SLC39A14: variants seen among roughly 807,000 people sequenced by gnomAD.
SLC39A14 encodes the protein metal cation symporter ZIP14.
Under a neutral mutation model 45.5 loss-of-function variants are expected in SLC39A14, and 19 were observed. The observed-to-expected ratio is 0.42, with a 90% CI of 0.29 to 0.61. The LOEUF is 0.61. Among genes scored for constraint, SLC39A14 ranks in the 20% least tolerant of loss-of-function variants. The pLI is 0.22. For synonymous variants in SLC39A14, 264 were observed against 251.3 expected, an observed-to-expected ratio of 1.05 and a Z score of -0.48; for missense variants, 447 against 616.5, an observed-to-expected ratio of 0.73 and a Z score of 2.91.
At chr8:22,419,359 T>C (rs1836086739) in intron 8 of SLC39A14, among the ~76,000 whole-genome samples, 193 bp from the exon 9 acceptor site, 1 of 152,084 alleles carries the variant, frequency 6.6e-6, no homozygotes, top group South Asian at 2.1e-4. Context: ...AATTTTTATG[T>C]TTTTAGTAGA....
In SLC39A14 at chr8:22,421,959, A is replaced by G. The variant is rs1239154483; in HGVS notation, c.*2261A>G. ...CCTCTTTAAACCGTAGTTGGCGCAG[A>G]GGTCAGTCCTAGTCGGAGCTTAGGA... On this transcript the variant is annotated 3_prime_UTR_variant, in exon 9 of 9. Transcript: ENST00000381237. The G allele has an allele frequency of 1.0e-6, 1 of 985,362 alleles. No homozygotes were observed. Among genetic ancestry groups the G allele is most frequent in the Non-Finnish European group, 1.2e-6 (1 of 829,942 alleles). The allele number at this position is 985,362 out of a possible 1,614,324, so 61.0% of individuals were successfully genotyped here.
At chr8:22,373,607 A>G (rs1297165558) in intron 1 of SLC39A14, among the ~76,000 whole-genome samples, 3 of 152,150 alleles carry the variant, frequency 2.0e-5, no homozygotes, top group Non-Finnish European at 4.4e-5. Flanking sequence ...TAATTTTTGT[A>G]TATTAGAATA....
rs528047046 is a variant in SLC39A14 at position 22,419,369 on chromosome 8, A to G, written c.1333-183A>G. Among the ~76,000 whole-genome samples the G allele has an allele frequency of 8.5e-5, 13 of 152,216 alleles. No individual in the cohort carries two copies. In the South Asian group the frequency reaches 2.7e-3, roughly 32 times the overall value. ...CAGCTAATTTTTATGTTTTTAGTAG[A>G]GACAGGGTTTCACCATGTTGGTCAG... On this transcript the variant is annotated intron_variant, in intron 8 of 8. Coordinates refer to ENST00000381237, the MANE Select transcript of SLC39A14 (RefSeq NM_001128431.4).
chr8:22,391,227 G>A (rs1424835378), intron 1 of SLC39A14, among the ~76,000 whole-genome samples: 5 of 152,146 alleles, frequency 3.3e-5, no homozygotes, highest in Non-Finnish European at 5.9e-5. Flanking sequence ...TCATCATTCA[G>A]GTTAGGTTCC....
Position 22,367,533 on chromosome 8 carries a change from C to G in SLC39A14, c.-16+125C>G, listed in dbSNP as rs1586614667. 2 of 152,424 alleles carry G rather than the reference C, an allele frequency of 1.3e-5. No individual in the cohort carries two copies. The highest frequency in any genetic ancestry group is 3.9e-4 in the East Asian group (2 of 5,168). 9.4% of individuals were successfully genotyped at this position (152,424 alleles called of 1,614,324 possible). On this transcript the variant is annotated intron_variant, in intron 1 of 8. Transcript: ENST00000381237. The surrounding 1 kb of genome is among the most constrained non-coding windows in gnomAD (Gnocchi z 4.2). The stretch of plus-strand genomic sequence containing the variant: ...GAGGACCGGGCGCCGCTCCCGGGCA[C>G]CGGCACACGCCCGGACGGCTGGGTG...
downstream of SLC39A14, among the ~76,000 whole-genome samples, chr8:22,424,714 A>T (rs1836353299): frequency 2.0e-5 from 3 of 152,076 alleles, no homozygotes; most frequent in Admixed American, 6.6e-5. Context: ...AGCACTGGCC[A>T]TATGGAAAGA....
chr8:22,374,551 A>T (rs889945055), intron 1 of SLC39A14, among the ~76,000 whole-genome samples: 2 of 139,856 alleles, frequency 1.4e-5, no homozygotes, highest in Non-Finnish European at 3.0e-5. Flanking sequence ...TGCTGGTGGG[A>T]TGGTACACGT....
At position 22,412,029 on chromosome 8, in the gene SLC39A14, C is replaced by T. The variant is rs1168039448; in HGVS notation, c.458-8C>T. 6.5e-7 allele frequency: 1 copy of T among 1,549,518 alleles called. No homozygotes were observed. Among genetic ancestry groups the T allele is most frequent in the Non-Finnish European group, 8.7e-7 (1 of 1,146,532 alleles). ...CTGGGTGGGGCTGGCCCTCCCTCCG[C>T]ACGGCAGTGTGGGGATACGGTCTCC... On this transcript the variant is annotated splice_polypyrimidine_tract_variant and splice_region_variant and intron_variant, in intron 3 of 8. Transcript: ENST00000381237.
At position 22,416,255 on chromosome 8, in the gene SLC39A14, CTG is replaced by C; in HGVS notation, c.1125_1126del (p.Cys375Ter). The C allele has an allele frequency of 6.2e-7, 1 of 1,613,174 alleles. No individual in the cohort carries two copies. The highest frequency in any genetic ancestry group is 8.5e-7 in the Non-Finnish European group (1 of 1,180,004). On this transcript the variant is annotated frameshift_variant, in exon 7 of 9. Transcript: ENST00000381237. LOFTEE classifies it high-confidence loss of function. ...QGISTSVAILCEEFPHELGDF... is the reference protein window; with the variant it reads ...QGISTSVAILXEEFPHELGDF... ...GCATCAGCACCTCGGTGGCCATCCT[CTG>C]TGAGGAGTTCCCACATGAGCTAGGT...
intron 1 of SLC39A14, among the ~76,000 whole-genome samples, chr8:22,382,069 G>T (rs1833543766): frequency 6.6e-6 from 1 of 152,068 alleles, no homozygotes. Context: ...TAAACCCAGG[G>T]AGGGGGAGGT....
chr8:22,414,925 G>C, intron 5 of SLC39A14, 23 bp downstream of exon 5: 1 of 1,609,814 alleles, frequency 6.2e-7, no homozygotes, highest in Non-Finnish European at 8.5e-7. Context: ...TGTTGCTGAA[G>C]AAAGCTCTTC....
intron 1 of SLC39A14, among the ~76,000 whole-genome samples, chr8:22,399,979 A>T (rs1451966048): frequency 6.6e-6 from 1 of 152,212 alleles, no homozygotes; most frequent in African/African-American, 2.4e-5. Flanking sequence ...GCACTGTGAC[A>T]GTGTGTCCTC....
intron 1 of SLC39A14, among the ~76,000 whole-genome samples, chr8:22,374,740 CTTTTT>C (rs67116858): frequency 6.7e-5 from 7 of 104,022 alleles, no homozygotes; most frequent in African/African-American, 1.2e-4. Flanking sequence ...CCAGCCTGCT[CTTTTT>C]TTTTTTTTTT....
At chr8:22,368,486 CTTTTATTTTA>C (rs869157776) in intron 1 of SLC39A14, among the ~76,000 whole-genome samples, 1,631 of 147,616 alleles carry the variant, frequency 0.011, 18 homozygotes, top group African/African-American at 0.025. Context: ...ATCCTTCCCT[CTTTTATTTTA>C]TTTTATTTTA....
intron 8 of SLC39A14, among the ~76,000 whole-genome samples, chr8:22,429,122 A>G (rs1040006780): frequency 5.3e-5 from 8 of 152,038 alleles, no homozygotes; most frequent in Non-Finnish European, 8.8e-5. Context: ...AATACAAAAA[A>G]TTGGCTGGGC....
chr8:22,422,388 T>C lies in SLC39A14; in HGVS notation c.*2690T>C. The C allele has an allele frequency of 1.0e-6, 1 of 985,842 alleles. No homozygotes were observed. Among genetic ancestry groups the C allele is most frequent in the Non-Finnish European group, 1.2e-6 (1 of 829,926 alleles). The allele number at this position is 985,842 out of a possible 1,614,324, so 61.1% of individuals were successfully genotyped here. A position where few individuals can be genotyped will look rare whatever the true frequency, so the allele number is the denominator to read the frequency against. ...CTTCACTGGTCCTTAACCTTGGGTT[T>C]TAAAAAGAAGGCTTCTCTGTTTGGG... On this transcript the variant is annotated 3_prime_UTR_variant, in exon 9 of 9. Transcript: ENST00000381237.
chr8:22,412,939 AAAAC>A (rs1053821462), intron 4 of SLC39A14, among the ~76,000 whole-genome samples: 2 of 152,184 alleles, frequency 1.3e-5, no homozygotes, highest in African/African-American at 2.4e-5. Context: ...ACTCCGTCTC[AAAAC>A]AAACAAACAA....
downstream of SLC39A14, among the ~76,000 whole-genome samples, chr8:22,425,628 C>T (rs1029414955): frequency 2.8e-4 from 43 of 151,752 alleles, no homozygotes; most frequent in African/African-American, 1.0e-3. Context: ...TTAGAACTGC[C>T]AGCCAAAAAA....
At chr8:22,427,526 C>T (rs980287821), downstream of SLC39A14, among the ~76,000 whole-genome samples, 99 of 151,734 alleles carry the variant, frequency 6.5e-4, 2 homozygotes, top group Middle Eastern at 0.017. Flanking sequence ...AAAAAAAAAC[C>T]TCTTTGATCT....
Sources: gnomAD v4.1 joint callset for allele counts (sites outside exome capture counted in the v4.1 genomes callset) on GRCh38, gnomAD v4.1.1 for gene constraint, Gnocchi (gnomAD v3.1) non-coding constraint, MANE v1.5 for transcripts, NCBI Gene and HGNC (gene_info 2026-07-23, HGNC 2026-07-21) for gene names.